Variants in RNF145 observed in about 807,000 individuals in gnomAD.
RNF145 encodes the protein ring finger protein 145.
RNF145 carries 12 observed loss-of-function variants against 57.3 expected under a neutral mutation model. That is an observed-to-expected ratio of 0.21 (90% CI 0.13 to 0.34). The LOEUF (loss-of-function observed/expected upper bound fraction) is 0.34. Among genes scored for constraint, RNF145 ranks in the 10% least tolerant of loss-of-function variants. The probability of loss-of-function intolerance (pLI) is 1.00; values close to 1 mark genes in which losing one functional copy is unlikely to be tolerated. For synonymous variants in RNF145, 262 were observed against 288.3 expected, an observed-to-expected ratio of 0.91 and a Z score of 0.92; for missense variants, 429 against 799.0, an observed-to-expected ratio of 0.54 and a Z score of 5.58.
At position 159,163,705 on chromosome 5, in the gene RNF145, G is replaced by A. The variant is rs556573535; in HGVS notation, c.1122-626C>T. On this transcript the variant is annotated intron_variant, in intron 8 of 10. Coordinates refer to ENST00000424310, the MANE Select transcript of RNF145 (RefSeq NM_001199383.2). ...CTAATCCTCCTAAAGCTCTACTATC[G>A]TAATATTTTCAACACTGTCTCTAAA... Among the ~76,000 whole-genome samples the A allele has an allele frequency of 7.2e-5, 11 of 152,272 alleles. 1 individual carries two copies. In the East Asian group the frequency reaches 1.7e-3, roughly 24 times the overall value.
intron 3 of RNF145, among the ~76,000 whole-genome samples, chr5:159,182,259 CAGAG>C (rs1784918215): frequency 6.6e-6 from 1 of 152,076 alleles, no homozygotes; most frequent in African/African-American, 2.4e-5. Flanking sequence ...TTTTACCATA[CAGAG>C]AAAGCTGCCA....
chr5:159,209,729 G>C, upstream of RNF145: 4 of 1,107,452 alleles, frequency 3.6e-6, no homozygotes, highest in Non-Finnish European at 3.9e-6. Context: ...AGCCCGGCTC[G>C]GGTGGCTATG....
intron 1 of RNF145, 150 bp downstream of exon 1, chr5:159,209,081 G>A (rs991576797): frequency 1.1e-4 from 19 of 168,690 alleles, no homozygotes; most frequent in Non-Finnish European, 1.8e-4. Flanking sequence ...CAATGCTAGG[G>A]AGAAGAGGGA....
intron 3 of RNF145, among the ~76,000 whole-genome samples, chr5:159,186,044 T>A (rs762187487): frequency 2.6e-5 from 4 of 152,016 alleles, no homozygotes; most frequent in Non-Finnish European, 4.4e-5. Flanking sequence ...GACAACACGG[T>A]GAAACTCCGA....
At chr5:159,160,130 G>A (rs930501486) in intron 10 of RNF145, among the ~76,000 whole-genome samples, 1 of 152,124 alleles carries the variant, frequency 6.6e-6, no homozygotes, top group East Asian at 1.9e-4. Context: ...GAGGTGCTCC[G>A]ACTCTGTTTT....
At chr5:159,195,892 T>C (rs759431841) in intron 2 of RNF145, among the ~76,000 whole-genome samples, 4 of 152,186 alleles carry the variant, frequency 2.6e-5, no homozygotes, top group African/African-American at 4.8e-5. Flanking sequence ...TTAAATGTTC[T>C]CATATTCAAC....
intron 2 of RNF145, 53 bp from the exon 3 acceptor site, chr5:159,194,877 T>G: frequency 7.9e-7 from 1 of 1,269,384 alleles, no homozygotes; most frequent in South Asian, 1.3e-5. Flanking sequence ...CCCAATTAAT[T>G]ACAATAAAAG....
At chr5:159,170,516 A>T (rs111342436) in intron 6 of RNF145, among the ~76,000 whole-genome samples, 249 of 152,038 alleles carry the variant, frequency 1.6e-3, no homozygotes, top group African/African-American at 5.6e-3. Flanking sequence ...CTTCTTAGAT[A>T]TTAACTTATA....
intron 1 of RNF145, among the ~76,000 whole-genome samples, chr5:159,204,166 T>C (rs1785775185): frequency 6.6e-6 from 1 of 152,234 alleles, no homozygotes; most frequent in Non-Finnish European, 1.5e-5. Context: ...AAGTGCTAAA[T>C]TTACAATCCA....
chr5:159,207,402 C>G (rs372794799), intron 1 of RNF145: 1 of 945,896 alleles, frequency 1.1e-6, no homozygotes, highest in South Asian at 1.6e-5. Context: ...GACACGTGAC[C>G]CAACTTAAAA....
rs1296564087 is a variant in RNF145 at position 159,161,483 on chromosome 5, A to C, written c.1409T>G (p.Val470Gly). Residue 470 changes from valine (V) to glycine (G), a missense_variant, in exon 10 of 11, where the codon GTG becomes GGG. Val to Gly is a moderately radical substitution (Grantham distance 109, BLOSUM62 -3). This residue lies in a region of RNF145 where 216 missense variants were observed against 457.6 expected (regional missense o/e 0.47). Coordinates refer to ENST00000424310, the MANE Select transcript of RNF145 (RefSeq NM_001199383.2). ...LLEFLVALCV[V>G]AYGVSETIFG... is the part of the protein sequence containing the mutation. ...GATGGTCTCTGAGACGCCATAGGCC[A>C]CCACACAGAGGGCCACAAGAAACTC... 6.2e-7 allele frequency: 1 copy of C among 1,614,038 alleles called. No individual in the cohort carries two copies. Among genetic ancestry groups the C allele is most frequent in the Non-Finnish European group, 8.5e-7 (1 of 1,180,002 alleles).
At chr5:159,196,339 A>C (rs1785461007) in intron 2 of RNF145, among the ~76,000 whole-genome samples, 1 of 152,138 alleles carries the variant, frequency 6.6e-6, no homozygotes, top group East Asian at 1.9e-4. Flanking sequence ...GGGAAGCCAA[A>C]AGATTGGACA....
At chr5:159,209,613 G>A, upstream of RNF145, 1 of 1,068,366 alleles carries the variant, frequency 9.4e-7, no homozygotes, top group Non-Finnish European at 1.2e-6. Context: ...AGCGCGGCGC[G>A]CCCCTCCCGC....
intron 2 of RNF145, among the ~76,000 whole-genome samples, chr5:159,196,276 T>C (rs935880142): frequency 9.9e-5 from 15 of 150,890 alleles, no homozygotes; most frequent in Non-Finnish European, 2.1e-4. Flanking sequence ...CTATCACTAG[T>C]GTTAGCATAT....
intron 2 of RNF145, among the ~76,000 whole-genome samples, chr5:159,195,274 C>G (rs1785418971): frequency 6.6e-6 from 1 of 152,144 alleles, no homozygotes. Flanking sequence ...GTCGTTCCCC[C>G]TGACATCACT....
rs568580926 is a variant in RNF145, at chr5:159,191,741, G to A, written c.293+2975C>T. Among the ~76,000 whole-genome samples, 80 of 152,090 alleles carry A rather than the reference G, an allele frequency of 5.3e-4. 1 individual carries two copies. The highest frequency in any genetic ancestry group is 1.9e-3 in the African/African-American group (77 of 41,484). ...TGGGAGGCAGAGGTTGCAGTGAGCC[G>A]AGATAAAATAAAAATAAATAAAACA... On this transcript the variant is annotated intron_variant, in intron 3 of 10. Transcript: ENST00000424310.
At chr5:159,160,713 A>T (rs1395493571) in intron 10 of RNF145, among the ~76,000 whole-genome samples, 1 of 152,208 alleles carries the variant, frequency 6.6e-6, no homozygotes, top group African/African-American at 2.4e-5. Flanking sequence ...GCATGTGCTA[A>T]AGACTATAGG....
intron 5 of RNF145, among the ~76,000 whole-genome samples, chr5:159,176,046 T>C (rs1329858426): frequency 6.6e-6 from 1 of 152,164 alleles, no homozygotes; most frequent in Non-Finnish European, 1.5e-5. Flanking sequence ...AAAAGCATGT[T>C]ATGTTGGCAA....
At position 159,161,400 on chromosome 5, in the gene RNF145, C is replaced by T. The variant is rs147637157; in HGVS notation, c.1492G>A (p.Val498Met). The T allele has an allele frequency of 3.1e-6, 5 of 1,614,024 alleles. No homozygotes were observed. The highest frequency in any genetic ancestry group is 1.3e-5 in the African/African-American group (1 of 74,920). The change falls in exon 10 of 11, where the codon GTG (valine) becomes ATG (methionine). Residue 498 changes from valine to methionine, a missense_variant. Val to Met is a conservative substitution (Grantham distance 21). Around this residue, in one of 4 missense-constraint regions of RNF145, gnomAD observed 216 missense variants for 457.6 expected, o/e 0.47. Transcript: ENST00000424310. ...CACCCCAGCTGGGCCCGAAGCCACA[C>T]GTTATAGTAGGAATGAATGAAGATG... ...MIIFIHSYYN[V>M]WLRAQLGWKS...
Sources: allele counts gnomAD v4.1 joint callset (sites outside exome capture counted in the v4.1 genomes callset), GRCh38; gene constraint gnomAD v4.1.1; regional missense constraint gnomAD v4.1.1; transcripts MANE v1.5; gene names NCBI Gene and HGNC (gene_info 2026-07-23, HGNC 2026-07-21).